The following PCDHA6 variants were observed in gnomAD, a reference collection of about 807,000 sequenced individuals.
PCDHA6 encodes the protein protocadherin alpha-6.
A neutral mutation model predicts 60.3 loss-of-function variants in PCDHA6; 55 were observed. The observed-to-expected ratio is 0.91, with a 90% CI of 0.73 to 1.14. The LOEUF is 1.14. PCDHA6 is among the 50% of genes most tolerant of loss of function. The pLI is 0.00. For synonymous variants in PCDHA6, 652 were observed against 557.9 expected (o/e 1.17, Z -2.38); for missense variants, 1,327 against 1,256.5 (o/e 1.06, Z -0.85).
At chr5:140,945,164 T>C (rs246060) in intron 1 of PCDHA6, among the ~76,000 whole-genome samples, 85,686 of 151,808 alleles carry the variant, frequency 0.56, 24,785 homozygotes, top group African/African-American at 0.69. Flanking sequence ...TATTGAACTA[T>C]CTGAAAAATA....
chr5:140,969,024 C>T, intron 1 of PCDHA6: 1 of 1,614,198 alleles, frequency 6.2e-7, no homozygotes, highest in Non-Finnish European at 8.5e-7. Flanking sequence ...GAAAGGTCCC[C>T]TGCAGAACTG....
intron 1 of PCDHA6, chr5:140,926,797 T>G: frequency 2.1e-6 from 3 of 1,450,476 alleles, no homozygotes; most frequent in Non-Finnish European, 1.8e-6. Flanking sequence ...AGGAGCGTGC[T>G]CTTCCCCGCG....
chr5:140,967,529 C>A, intron 1 of PCDHA6: 1 of 1,613,244 alleles, frequency 6.2e-7, no homozygotes, highest in South Asian at 1.1e-5. Context: ...CGACAACTCT[C>A]CTGCCTTTGA....
chr5:140,942,206 T>G (rs916002360), intron 1 of PCDHA6, among the ~76,000 whole-genome samples: 1 of 152,152 alleles, frequency 6.6e-6, no homozygotes, highest in African/African-American at 2.4e-5. Context: ...TTTTTGAGCA[T>G]AAGATATTTA....
intron 1 of PCDHA6, chr5:140,927,156 G>A (rs1261418178): frequency 6.2e-7 from 1 of 1,614,016 alleles, no homozygotes; most frequent in African/African-American, 1.3e-5. Flanking sequence ...AGCTGTGCAG[G>A]GCCAAAGCTG....
chr5:140,910,982 T>C (rs1204318531), intron 1 of PCDHA6, among the ~76,000 whole-genome samples: 1 of 152,130 alleles, frequency 6.6e-6, no homozygotes, highest in Non-Finnish European at 1.5e-5. Flanking sequence ...GGTTATACTC[T>C]GAACCTCACC....
intron 1 of PCDHA6, chr5:140,849,973 C>A: frequency 6.3e-7 from 1 of 1,597,728 alleles, no homozygotes; most frequent in Non-Finnish European, 8.6e-7. Flanking sequence ...GTGTCCTACT[C>A]GCTGGTGGAG....
chr5:140,863,521 G>T, intron 1 of PCDHA6: 1 of 397,734 alleles, frequency 2.5e-6, no homozygotes, highest in Non-Finnish European at 4.9e-6. Context: ...GTTCTCCCAT[G>T]GTTCAGATTT....
At chr5:140,930,356 A>G (rs1554207746) in intron 1 of PCDHA6, 1 of 152,106 alleles carries the variant, frequency 6.6e-6, no homozygotes, top group African/African-American at 2.4e-5. Context: ...CAAATATTTC[A>G]ATTTATCTGT....
intron 1 of PCDHA6, among the ~76,000 whole-genome samples, chr5:140,923,795 A>C (rs1282849925): frequency 6.6e-6 from 1 of 152,360 alleles, no homozygotes; most frequent in African/African-American, 2.4e-5. Context: ...CATTCTTTTC[A>C]CAAATGAAAT....
At chr5:140,966,709 G>A (rs1447935100) in intron 1 of PCDHA6, 4 of 1,387,174 alleles carry the variant, frequency 2.9e-6, no homozygotes, top group Non-Finnish European at 2.8e-6. Flanking sequence ...CGTGGGGCAC[G>A]GCTGGGGAAG....
intron 1 of PCDHA6, chr5:140,857,901 G>A (rs782807567): frequency 1.9e-6 from 3 of 1,597,728 alleles, no homozygotes; most frequent in East Asian, 4.5e-5. Flanking sequence ...GTTGGTGCAC[G>A]CATCCCGTTT....
intron 3 of PCDHA6, among the ~76,000 whole-genome samples, chr5:140,986,213 C>G (rs1554247816): frequency 6.6e-6 from 1 of 152,208 alleles, no homozygotes. Context: ...TTACTGGCCC[C>G]TTTCTCTAGC....
chr5:140,886,004 A>G lies in PCDHA6; in HGVS notation c.2394+55519A>G, dbSNP rs544401095. On this transcript the variant is annotated intron_variant, in intron 1 of 3. Transcript: ENST00000529310. Reference sequence around the variant, plus strand: ...TCGCATGTGGTTGAAAGAAATAGTAAAGGGAGATGCTATGTATTCTTCACT... The same window carrying G: ...TCGCATGTGGTTGAAAGAAATAGTAGAGGGAGATGCTATGTATTCTTCACT... Among the ~76,000 whole-genome samples, 7 of 152,268 alleles carry G rather than the reference A, an allele frequency of 4.6e-5. No homozygotes were observed. In the East Asian group the frequency reaches 1.3e-3, roughly 29 times the overall value.
rs192109857 is a variant in PCDHA6 at position 140,852,433 on chromosome 5, G to A, written c.2394+21948G>A. 4.2e-4 allele frequency: 75 copies of A among 180,184 alleles called. 1 individual carries two copies. The East Asian group carries it at 0.014, about 33-fold the overall frequency. The allele number at this position is 180,184 out of a possible 1,614,324, so 11.2% of individuals were successfully genotyped here. A position where few individuals can be genotyped will look rare whatever the true frequency, so the allele number is the denominator to read the frequency against. The stretch of plus-strand genomic sequence containing the variant: ...GCTGGGATTATAGGCACATGCCACC[G>A]CGCCCAGCTAATTTTTGTATTTTTA... On this transcript the variant is annotated intron_variant, in intron 1 of 3. Transcript: ENST00000529310.
chr5:140,906,258 C>T (rs1162219070), intron 1 of PCDHA6, among the ~76,000 whole-genome samples: 4 of 152,180 alleles, frequency 2.6e-5, no homozygotes, highest in African/African-American at 9.7e-5. Flanking sequence ...TACACACCTC[C>T]TGAAATTATA....
At chr5:140,884,122 G>T (rs1212118784) in intron 1 of PCDHA6, 1 of 1,613,188 alleles carries the variant, frequency 6.2e-7, no homozygotes, top group Non-Finnish European at 8.5e-7. Context: ...CGGTCGGCGC[G>T]CGCATCCCGT....
intron 1 of PCDHA6, chr5:140,929,344 A>G: frequency 6.5e-7 from 1 of 1,531,050 alleles, no homozygotes; most frequent in South Asian, 1.3e-5. Flanking sequence ...ATTTTATGGA[A>G]TTTGATTCCT....
At chr5:140,914,761 G>A (rs2076826214) in intron 1 of PCDHA6, among the ~76,000 whole-genome samples, 1 of 151,734 alleles carries the variant, frequency 6.6e-6, no homozygotes, top group Non-Finnish European at 1.5e-5. Context: ...GAGGTTACAT[G>A]AGGTTTATGA....
Sources: gnomAD v4.1 joint callset for allele counts (sites outside exome capture counted in the v4.1 genomes callset) on GRCh38, gnomAD v4.1.1 for gene constraint, MANE v1.5 for transcripts, NCBI Gene and HGNC (gene_info 2026-07-23, HGNC 2026-07-21) for gene names.